The following FAM184A variants were observed in gnomAD, a reference collection of about 807,000 sequenced individuals.
FAM184A encodes the protein protein FAM184A.
FAM184A carries 99 observed loss-of-function variants against 143.8 expected under a neutral mutation model. The ratio of observed to expected loss-of-function variants is 0.69; its 90% CI spans 0.58 to 0.81. FAM184A has a LOEUF of 0.81. Among genes scored for constraint, FAM184A ranks in the 40% least tolerant of loss-of-function variants. The pLI, the probability that FAM184A is intolerant of heterozygous loss-of-function variation, is 0.00. For missense variants in FAM184A, 1,217 were observed against 1,310.5 expected, an observed-to-expected ratio of 0.93 and a Z score of 1.10; for synonymous variants, 427 against 446.4, an observed-to-expected ratio of 0.96 and a Z score of 0.55.
intron 1 of FAM184A, among the ~76,000 whole-genome samples, chr6:119,074,414 T>C (rs1276538690): frequency 6.6e-6 from 1 of 152,226 alleles, no homozygotes. Flanking sequence ...TCTGCAGTTT[T>C]TACTTGTTGG....
intron 1 of FAM184A, among the ~76,000 whole-genome samples, chr6:119,088,340 G>A (rs1271834555): frequency 1.3e-5 from 2 of 152,156 alleles, no homozygotes; most frequent in African/African-American, 4.8e-5. Context: ...GACAATCAGA[G>A]AATGCTGTTC....
At chr6:119,132,157 A>G (rs1360473627) in intron 1 of FAM184A, among the ~76,000 whole-genome samples, 1 of 152,244 alleles carries the variant, frequency 6.6e-6, no homozygotes, top group East Asian at 1.9e-4. Context: ...TTTTGAAATA[A>G]CAAATGCCAA....
Position 118,975,085 on chromosome 6 carries a change from C to A in FAM184A, c.2707G>T (p.Glu903Ter). 6.2e-7 allele frequency: 1 copy of A among 1,613,342 alleles called. No individual in the cohort carries two copies. The highest frequency in any genetic ancestry group is 8.5e-7 in the Non-Finnish European group (1 of 1,179,680). Residue 903 changes from glutamate (E) to a stop codon, truncating the protein, a stop_gained, in exon 13 of 18, where the codon GAA becomes TAA. Transcript: ENST00000338891. LOFTEE classifies it high-confidence loss of function. ...ATTTCTTTCCCCTTAAATTCCAGTT[C>A]TTTGGTTAGGGCACTTATATTCTCA... ...LHENISALTK[E>*]LEFKGKEILR...
intron 1 of FAM184A, chr6:119,069,085 C>A: frequency 2.8e-6 from 1 of 360,530 alleles, no homozygotes; most frequent in Non-Finnish European, 6.1e-6. Context: ...AGGTTCTTGC[C>A]ATTGAAAATA....
intron 9 of FAM184A, among the ~76,000 whole-genome samples, chr6:118,985,449 A>G (rs1335841153): frequency 6.6e-6 from 1 of 152,198 alleles, no homozygotes; most frequent in Non-Finnish European, 1.5e-5. Context: ...ATGATGTTTA[A>G]TAATTTTTCC....
Position 119,024,465 on chromosome 6 carries a change from G to GT in FAM184A, c.507dup (p.Arg170ThrfsTer11), listed in dbSNP as rs1279531048. On this transcript the variant is annotated frameshift_variant, in exon 2 of 18. Transcript: ENST00000338891. LOFTEE classifies it high-confidence loss of function. ...TGTACTTGAAGTTGTCCAAAGCTCC[G>GT]TAATTTTTCTTCAAATTTCCTTCTA... 1 of 1,613,490 alleles carries GT rather than the reference G, an allele frequency of 6.2e-7. No individual in the cohort carries two copies. The highest frequency in any genetic ancestry group is 8.5e-7 in the Non-Finnish European group (1 of 1,179,910).
chr6:119,048,139 G>T (rs2114740529), intron 1 of FAM184A, among the ~76,000 whole-genome samples: 2 of 152,248 alleles, frequency 1.3e-5, no homozygotes, highest in South Asian at 4.1e-4. Flanking sequence ...CCACATGATT[G>T]TCTCAATAGA....
intron 1 of FAM184A, among the ~76,000 whole-genome samples, chr6:119,074,060 GA>G (rs1281165273): frequency 6.6e-6 from 1 of 152,188 alleles, no homozygotes; most frequent in African/African-American, 2.4e-5. Flanking sequence ...GAATTGAGGT[GA>G]AAATCTAGAG....
chr6:119,112,441 C>T (rs1351195098), intron 1 of FAM184A, among the ~76,000 whole-genome samples: 21 of 152,198 alleles, frequency 1.4e-4, no homozygotes, highest in Admixed American at 1.4e-3. Context: ...AATGATCATA[C>T]TTCAAATTGA....
intron 1 of FAM184A, among the ~76,000 whole-genome samples, chr6:119,069,333 T>C (rs1163156776): frequency 1.3e-5 from 2 of 152,072 alleles, no homozygotes; most frequent in Non-Finnish European, 2.9e-5. Flanking sequence ...CAAAATTCAC[T>C]AGGCGAAACA....
chr6:119,015,947 C>T (rs1785234795), intron 5 of FAM184A, among the ~76,000 whole-genome samples: 1 of 152,038 alleles, frequency 6.6e-6, no homozygotes, highest in African/African-American at 2.4e-5. Context: ...ATGTCTAGCT[C>T]AGGGATTGTA....
intron 9 of FAM184A, among the ~76,000 whole-genome samples, chr6:119,001,392 G>T (rs1481426558): frequency 3.3e-5 from 5 of 151,432 alleles, no homozygotes; most frequent in African/African-American, 1.2e-4. Context: ...ATTAATTCCC[G>T]GTTATCTTGA....
At chr6:119,010,361 G>A (rs1362173154) in intron 6 of FAM184A, among the ~76,000 whole-genome samples, 1 of 152,120 alleles carries the variant, frequency 6.6e-6, no homozygotes, top group Admixed American at 6.5e-5. Context: ...AGCAGTTTCT[G>A]AGTGCTTATT....
chr6:118,980,577 A>G (rs907244612), intron 9 of FAM184A, among the ~76,000 whole-genome samples: 5 of 152,218 alleles, frequency 3.3e-5, no homozygotes, highest in African/African-American at 1.2e-4. Context: ...TATATTGTTT[A>G]TAGACTGTCT....
At chr6:119,101,067 T>C (rs1788625271) in intron 1 of FAM184A, among the ~76,000 whole-genome samples, 1 of 90,750 alleles carries the variant, frequency 1.1e-5, no homozygotes, top group Non-Finnish European at 2.1e-5. Flanking sequence ...ACAATGCACT[T>C]TCTTTTTTTT....
chr6:119,134,668 AAG>A (rs1320724688), intron 1 of FAM184A, among the ~76,000 whole-genome samples: 1 of 149,816 alleles, frequency 6.7e-6, no homozygotes, highest in East Asian at 2.0e-4. Flanking sequence ...AAAAAAAAAA[AAG>A]AGAAAGAAAT....
chr6:119,114,447 T>C (rs1789008782), intron 1 of FAM184A, among the ~76,000 whole-genome samples: 1 of 152,208 alleles, frequency 6.6e-6, no homozygotes, highest in South Asian at 2.1e-4. Context: ...GAATGGACTT[T>C]CCTGCCCTCT....
chr6:119,093,298 G>A (rs1178214931), intron 1 of FAM184A, among the ~76,000 whole-genome samples: 1 of 151,946 alleles, frequency 6.6e-6, no homozygotes, highest in African/African-American at 2.4e-5. Flanking sequence ...AGACAACTGT[G>A]GCATCTCTAC....
At chr6:119,020,531 G>A (rs535474859) in intron 3 of FAM184A, among the ~76,000 whole-genome samples, 2 of 152,172 alleles carry the variant, frequency 1.3e-5, no homozygotes, top group South Asian at 2.1e-4. Flanking sequence ...AAAGAAGGAC[G>A]GAGAGGATGC....
Sources: gnomAD v4.1 joint callset for allele counts (sites outside exome capture counted in the v4.1 genomes callset) on GRCh38, gnomAD v4.1.1 for gene constraint, MANE v1.5 for transcripts, NCBI Gene and HGNC (gene_info 2026-07-23, HGNC 2026-07-21) for gene names.